Variants in ROBO2 observed in about 807,000 individuals in gnomAD.
ROBO2 encodes the protein roundabout homolog 2.
ROBO2 carries 53 observed loss-of-function variants against 160.8 expected under a neutral mutation model. The observed-to-expected ratio is 0.33, with a 90% CI of 0.26 to 0.41. ROBO2 has a LOEUF of 0.41. Ranked by LOEUF, ROBO2 falls within the 10% of genes least tolerant of loss-of-function variation. The probability of loss-of-function intolerance (pLI) is 1.00; values close to 1 mark genes in which losing one functional copy is unlikely to be tolerated. For missense variants in ROBO2, 1,577 were observed against 1,722.4 expected, an observed-to-expected ratio of 0.92 and a Z score of 1.49; for synonymous variants, 664 against 611.7, an observed-to-expected ratio of 1.09 and a Z score of -1.26.
intron 7 of ROBO2, among the ~76,000 whole-genome samples, chr3:77,547,969 A>G (rs2092765630): frequency 6.6e-6 from 1 of 151,860 alleles, no homozygotes; most frequent in African/African-American, 2.4e-5. Flanking sequence ...TTAGACACAC[A>G]CACATATACA....
At chr3:76,564,073 G>A (rs4855984) in intron 2 of ROBO2, among the ~76,000 whole-genome samples, 48,219 of 152,072 alleles carry the variant, frequency 0.32, 7,955 homozygotes, top group Middle Eastern at 0.44. Context: ...AGGCATGGTG[G>A]CAGGTGCCTG....
At chr3:76,399,531 T>C (rs2077691371) in intron 2 of ROBO2, among the ~76,000 whole-genome samples, 1 of 151,726 alleles carries the variant, frequency 6.6e-6, no homozygotes, top group Non-Finnish European at 1.5e-5. Context: ...GATTTGTAAC[T>C]GAAACACCCC....
intron 2 of ROBO2, among the ~76,000 whole-genome samples, chr3:76,083,620 C>A (rs988619967): frequency 2.6e-5 from 4 of 152,038 alleles, no homozygotes; most frequent in African/African-American, 9.7e-5. Context: ...AGTTTAGATT[C>A]ATAGAGCACT....
chr3:76,443,698 A>G (rs2077034801), intron 2 of ROBO2, among the ~76,000 whole-genome samples: 1 of 152,148 alleles, frequency 6.6e-6, no homozygotes, highest in Non-Finnish European at 1.5e-5. Flanking sequence ...CTGCAACAGA[A>G]TCATCTGAGT....
rs561499891 is a variant in ROBO2 at position 76,459,126 on chromosome 3, C to T, written c.109+521524C>T. 7.2e-5 allele frequency among the ~76,000 whole-genome samples: 11 copies of T among 152,280 alleles called. No individual in the cohort carries two copies. The South Asian group carries it at 2.3e-3, about 32-fold the overall frequency. ...TAAAACACTTTCCTTTTGGCTCACT[C>T]CGCTTCGTTTGTTTGTGAGTTTGAT... On this transcript the variant is annotated intron_variant, in intron 2 of 26. Coordinates refer to the ROBO2 transcript ENST00000487694.
At chr3:77,267,276 C>T (rs769195728) in intron 2 of ROBO2, among the ~76,000 whole-genome samples, 4 of 152,170 alleles carry the variant, frequency 2.6e-5, no homozygotes, top group Non-Finnish European at 5.9e-5. Context: ...TTATTGCGGA[C>T]AGCCTTAATT....
intron 2 of ROBO2, among the ~76,000 whole-genome samples, chr3:76,947,317 T>G (rs1457191166): frequency 6.6e-6 from 1 of 152,132 alleles, no homozygotes; most frequent in Non-Finnish European, 1.5e-5. Flanking sequence ...AGAATGTTAT[T>G]TTTTTCTAAA....
intron 6 of ROBO2, among the ~76,000 whole-genome samples, chr3:77,544,916 A>G (rs1472658413): frequency 6.6e-6 from 1 of 152,092 alleles, no homozygotes; most frequent in African/African-American, 2.4e-5. Flanking sequence ...ACTTCCAATG[A>G]TACTGCCTAC....
chr3:77,491,933 A>T (rs1464680690), intron 4 of ROBO2, among the ~76,000 whole-genome samples: 1 of 152,166 alleles, frequency 6.6e-6, no homozygotes, highest in East Asian at 1.9e-4. Context: ...TGCAACTTAC[A>T]CATTTGTTTT....
At chr3:77,575,486 A>T (rs1275894588) in intron 14 of ROBO2, among the ~76,000 whole-genome samples, 1 of 152,098 alleles carries the variant, frequency 6.6e-6, no homozygotes, top group East Asian at 1.9e-4. Context: ...AGAAGCCTTT[A>T]AAAAATGTAT....
chr3:76,993,907 A>G lies in ROBO2; in HGVS notation c.110-104107A>G, dbSNP rs1033713656. ...GTAAAAAAAAAAAACAAAACATTGTAAGAATAGTTAAAGCTCTACTCTTCT... is the reference window on the plus strand; with the variant it reads ...GTAAAAAAAAAAAACAAAACATTGTGAGAATAGTTAAAGCTCTACTCTTCT... On this transcript the variant is annotated intron_variant, in intron 2 of 26. Coordinates refer to the ROBO2 transcript ENST00000487694. 2.0e-5 allele frequency among the ~76,000 whole-genome samples: 3 copies of G among 151,698 alleles called. No homozygotes were observed. The East Asian group carries it at 5.8e-4, about 29-fold the overall frequency.
chr3:77,493,987 C>T (rs1361515806), intron 5 of ROBO2, among the ~76,000 whole-genome samples: 1 of 152,114 alleles, frequency 6.6e-6, no homozygotes, highest in Non-Finnish European at 1.5e-5. Flanking sequence ...TATCACAAAA[C>T]CCCCAAACCC....
At chr3:76,909,031 C>T (rs562994271) in intron 2 of ROBO2, among the ~76,000 whole-genome samples, 1 of 152,158 alleles carries the variant, frequency 6.6e-6, no homozygotes, top group East Asian at 1.9e-4. Context: ...GGTTAGAGAC[C>T]AGCCTGGGTA....
intron 2 of ROBO2, among the ~76,000 whole-genome samples, chr3:77,225,283 G>A (rs2086339853): frequency 6.6e-6 from 1 of 151,766 alleles, no homozygotes; most frequent in South Asian, 2.1e-4. Context: ...TGCTCATGTT[G>A]TTTCATTGTA....
chr3:76,080,901 C>T (rs1241850192), intron 2 of ROBO2, among the ~76,000 whole-genome samples: 2 of 152,112 alleles, frequency 1.3e-5, no homozygotes, highest in Non-Finnish European at 1.5e-5. Context: ...GCCAGTATGA[C>T]ACACAATCTT....
At chr3:75,988,878 T>C (rs1328612086) in intron 2 of ROBO2, among the ~76,000 whole-genome samples, 2 of 151,940 alleles carry the variant, frequency 1.3e-5, no homozygotes, top group Non-Finnish European at 2.9e-5. Context: ...TCTGATGATA[T>C]ATAATTTGTT....
chr3:75,934,937 A>G (rs1947706199), intron 1 of ROBO2, among the ~76,000 whole-genome samples: 1 of 152,184 alleles, frequency 6.6e-6, no homozygotes, highest in Non-Finnish European at 1.5e-5. Context: ...CTGAAGGATT[A>G]TTTACACTTT....
At chr3:76,782,006 T>C (rs908297748) in intron 2 of ROBO2, among the ~76,000 whole-genome samples, 2 of 150,730 alleles carry the variant, frequency 1.3e-5, no homozygotes, top group African/African-American at 2.4e-5. Context: ...TTGTTGCTCT[T>C]GGGAGGTTTT....
At chr3:76,511,838 G>T (rs147233907) in intron 2 of ROBO2, among the ~76,000 whole-genome samples, 34 of 152,348 alleles carry the variant, frequency 2.2e-4, no homozygotes, top group African/African-American at 8.2e-4. Flanking sequence ...GAGCCCATCA[G>T]TAAGTGGGAA....
Sources: allele counts gnomAD v4.1 joint callset (sites outside exome capture counted in the v4.1 genomes callset), GRCh38; gene constraint gnomAD v4.1.1; transcripts MANE v1.5; gene names NCBI Gene and HGNC (gene_info 2026-07-23, HGNC 2026-07-21).